KAT6A: variants seen among roughly 807,000 people sequenced by gnomAD.
KAT6A encodes lysine acetyltransferase 6A, also known as histone acetyltransferase KAT6A.
A neutral mutation model predicts 198.4 loss-of-function variants in KAT6A; 9 were observed. The observed-to-expected ratio is 0.05, with a 90% CI of 0.03 to 0.08. KAT6A has a LOEUF of 0.08. Among genes scored for constraint, KAT6A ranks in the 10% least tolerant of loss-of-function variants. KAT6A has a pLI of 1.00. For missense variants in KAT6A, 2,077 were observed against 2,509.9 expected, an observed-to-expected ratio of 0.83 and a Z score of 3.69; for synonymous variants, 890 against 883.0, an observed-to-expected ratio of 1.01 and a Z score of -0.14.
At chr8:41,968,530 C>A (rs901704357) in intron 8 of KAT6A, among the ~76,000 whole-genome samples, 13 of 152,166 alleles carry the variant, frequency 8.5e-5, no homozygotes, top group Non-Finnish European at 1.6e-4. Context: ...GTTGGTGGGA[C>A]TGTAAACTAG....
At chr8:42,024,260 C>T (rs1587838190) in intron 2 of KAT6A, among the ~76,000 whole-genome samples, 1 of 152,108 alleles carries the variant, frequency 6.6e-6, no homozygotes, top group Non-Finnish European at 1.5e-5. Context: ...ACACTATGTA[C>T]ACTATAATGT....
chr8:41,982,024 T>A (rs1824379955), intron 3 of KAT6A, 70 bp from the exon 4 acceptor site: 5 of 873,072 alleles, frequency 5.7e-6, no homozygotes, highest in Admixed American at 4.1e-5. Flanking sequence ...ACTAAAGAAA[T>A]GATGTAGAAA....
At chr8:41,937,958 A>G (rs934265921) in intron 15 of KAT6A, among the ~76,000 whole-genome samples, 1 of 152,366 alleles carries the variant, frequency 6.6e-6, no homozygotes, top group South Asian at 2.1e-4. Context: ...TTATAGCACT[A>G]CTGTGAAGGT....
In KAT6A at chr8:41,932,174, ATTTAAG is replaced by A. The variant is rs749178614; in HGVS notation, c.*25_*30del. 6.6e-7 allele frequency: 1 copy of A among 1,504,076 alleles called. No homozygotes were observed. Among genetic ancestry groups the A allele is most frequent in the African/African-American group, 1.4e-5 (1 of 71,862 alleles). The allele number at this position is 1,504,076 out of a possible 1,614,324, so 93.2% of individuals were successfully genotyped here. A position where few individuals can be genotyped will look rare whatever the true frequency, so the allele number is the denominator to read the frequency against. The stretch of plus-strand genomic sequence containing the variant: ...ATAAAAGGTTCCTTTATTTATATAT[ATTTAAG>A]TTTTTGATTGCAAGTTCATCTTGCT... On this transcript the variant is annotated 3_prime_UTR_variant, in exon 17 of 17. Transcript: ENST00000265713.
intron 3 of KAT6A, among the ~76,000 whole-genome samples, chr8:41,982,913 G>T (rs1050334152): frequency 6.6e-6 from 1 of 152,094 alleles, no homozygotes; most frequent in Non-Finnish European, 1.5e-5. Flanking sequence ...ACAGAGTTCG[G>T]TTTTATCCAA....
intron 5 of KAT6A, among the ~76,000 whole-genome samples, chr8:41,979,771 C>T (rs62510278): frequency 0.24 from 36,215 of 152,106 alleles, 5,053 homozygotes; most frequent in Middle Eastern, 0.43. Context: ...GAGGCCGAGG[C>T]GAACAGATCA....
At chr8:41,980,802 T>C (rs763769929) in intron 5 of KAT6A, 44 bp downstream of exon 5, 12 of 1,304,422 alleles carry the variant, frequency 9.2e-6, no homozygotes, top group Admixed American at 1.7e-5. Context: ...TTCACTAACA[T>C]CCTCCTTTAT....
intron 2 of KAT6A, among the ~76,000 whole-genome samples, chr8:42,002,869 T>A (rs1825563464): frequency 1.3e-5 from 2 of 152,240 alleles, no homozygotes; most frequent in Admixed American, 1.3e-4. Flanking sequence ...TAGGACATAT[T>A]CCTTGAACTG....
In KAT6A at chr8:41,933,769, G is replaced by A. The variant is rs774261974; in HGVS notation, c.4451C>T (p.Ser1484Phe). 1.2e-6 allele frequency: 2 copies of A among 1,614,114 alleles called. No homozygotes were observed. Among genetic ancestry groups the A allele is most frequent in the South Asian group, 1.1e-5 (1 of 91,078 alleles). ...CHASEHNSPISSVQSHPSQSV... is the reference protein window; with the variant it reads ...CHASEHNSPIFSVQSHPSQSV... ...CTGGCTGGGGTGAGACTGAACGGAG[G>A]AGATAGGGCTATTATGTTCTGACGC... Residue 1484 changes from serine to phenylalanine, a missense_variant, in exon 17 of 17, where the codon TCC (serine) becomes TTC (phenylalanine). Ser to Phe is a radical substitution (Grantham distance 155). This residue lies in a region of KAT6A where 178 missense variants were observed against 220.8 expected (regional missense o/e 0.81). Coordinates refer to ENST00000265713, the MANE Select transcript of KAT6A (RefSeq NM_006766.5). The surrounding 1 kb of genome is among the most constrained non-coding windows in gnomAD (Gnocchi z 6.2).
chr8:42,028,035 T>C (rs1225383802), intron 2 of KAT6A, among the ~76,000 whole-genome samples: 1 of 152,224 alleles, frequency 6.6e-6, no homozygotes, highest in Admixed American at 6.5e-5. Flanking sequence ...TGCTGTTTAA[T>C]TTCCTTGTAT....
At chr8:42,033,182 C>T (rs1413816672) in intron 2 of KAT6A, among the ~76,000 whole-genome samples, 1 of 152,050 alleles carries the variant, frequency 6.6e-6, no homozygotes, top group Non-Finnish European at 1.5e-5. Context: ...CAAACCTTGG[C>T]TATTCTTACT....
intron 2 of KAT6A, among the ~76,000 whole-genome samples, chr8:42,029,879 A>G (rs1364703498): frequency 2.0e-5 from 3 of 152,046 alleles, no homozygotes; most frequent in Non-Finnish European, 4.4e-5. Context: ...ATTTCTTTAC[A>G]TTGTGTACCC....
At chr8:42,048,164 C>A (rs1802410871) in intron 2 of KAT6A, among the ~76,000 whole-genome samples, 1 of 152,042 alleles carries the variant, frequency 6.6e-6, no homozygotes, top group Non-Finnish European at 1.5e-5. Flanking sequence ...GTCAGATTAA[C>A]ATTCTACATT....
intron 16 of KAT6A, 91 bp downstream of exon 16, chr8:41,937,165 T>C: frequency 1.0e-6 from 1 of 1,003,330 alleles, no homozygotes; most frequent in Non-Finnish European, 1.5e-6. Context: ...GTTGTGTTCA[T>C]TTTTCAGCCT....
intron 8 of KAT6A, 73 bp from the exon 9 acceptor site, chr8:41,955,484 C>T: frequency 1.1e-6 from 1 of 947,986 alleles, no homozygotes; most frequent in Non-Finnish European, 1.7e-6. Context: ...AGTTCTGAAT[C>T]TAAATGTTGT....
intron 11 of KAT6A, among the ~76,000 whole-genome samples, chr8:41,947,100 T>A (rs1318140076): frequency 6.6e-6 from 1 of 152,246 alleles, no homozygotes; most frequent in Non-Finnish European, 1.5e-5. Context: ...CTCAGAGCAG[T>A]CCTATTAGTT....
At chr8:42,031,034 A>AG (rs1827085623) in intron 2 of KAT6A, among the ~76,000 whole-genome samples, 2 of 95,692 alleles carry the variant, frequency 2.1e-5, no homozygotes, top group African/African-American at 3.6e-5. Context: ...TGCAAAAAAA[A>AG]AAAAGGGGGG....
At chr8:42,044,213 G>C (rs146782761) in intron 2 of KAT6A, among the ~76,000 whole-genome samples, 1 of 149,478 alleles carries the variant, frequency 6.7e-6, no homozygotes, top group East Asian at 2.0e-4. Flanking sequence ...CGATTATCCT[G>C]CCTCAGCCTA....
chr8:41,977,511 T>C (rs1288644632), intron 6 of KAT6A, 184 bp from the exon 7 acceptor site: 11 of 487,202 alleles, frequency 2.3e-5, no homozygotes, highest in Non-Finnish European at 3.6e-5. Context: ...TAGAAACATC[T>C]ATTGCCAGGA....
Sources: allele counts gnomAD v4.1 joint callset (sites outside exome capture counted in the v4.1 genomes callset), GRCh38; gene constraint gnomAD v4.1.1; regional missense constraint gnomAD v4.1.1; non-coding constraint Gnocchi (gnomAD v3.1); transcripts MANE v1.5; gene names NCBI Gene and HGNC (gene_info 2026-07-23, HGNC 2026-07-21).